Variants in ADAMTS17 observed in about 807,000 individuals in gnomAD.
ADAMTS17 encodes A disintegrin and metalloproteinase with thrombospondin motifs 17.
A neutral mutation model predicts 141.5 loss-of-function variants in ADAMTS17; 113 were observed. The observed-to-expected ratio is 0.80, with a 90% CI of 0.69 to 0.93. ADAMTS17 has a LOEUF of 0.93. Among genes scored for constraint, ADAMTS17 ranks in the 40% least tolerant of loss-of-function variants. The probability of loss-of-function intolerance (pLI) is 0.00; values close to 1 mark genes in which losing one functional copy is unlikely to be tolerated. For missense variants in ADAMTS17, 1,659 were observed against 1,517.9 expected (o/e 1.09, Z -1.54); for synonymous variants, 768 against 630.6 (o/e 1.22, Z -3.27).
chr15:100,220,609 C>T (rs2042104136), intron 7 of ADAMTS17, among the ~76,000 whole-genome samples: 1 of 152,172 alleles, frequency 6.6e-6, no homozygotes, highest in Non-Finnish European at 1.5e-5. Flanking sequence ...ATCATCATGA[C>T]ATAATTCGAG....
chr15:100,176,751 C>T (rs190488908), intron 8 of ADAMTS17, among the ~76,000 whole-genome samples: 3 of 152,284 alleles, frequency 2.0e-5, no homozygotes, highest in Admixed American at 2.0e-4. Flanking sequence ...CAAGACTACC[C>T]TTTTATGACC....
chr15:100,096,569 A>C, intron 14 of ADAMTS17, 93 bp from the exon 15 acceptor site: 1 of 1,556,964 alleles, frequency 6.4e-7, no homozygotes, highest in Non-Finnish European at 8.8e-7. Context: ...CATGAGGTGC[A>C]GCATACATGG....
intron 15 of ADAMTS17, among the ~76,000 whole-genome samples, chr15:100,084,437 G>C (rs1178779512): frequency 6.6e-6 from 1 of 152,200 alleles, no homozygotes; most frequent in Non-Finnish European, 1.5e-5. Context: ...ACAAACAAAA[G>C]GCAGGAGAAA....
chr15:100,214,188 C>A (rs931592438), intron 7 of ADAMTS17, among the ~76,000 whole-genome samples: 3 of 152,172 alleles, frequency 2.0e-5, no homozygotes. Flanking sequence ...ACCGTCTCCC[C>A]CTTCAGCCAT....
chr15:100,277,406 A>C (rs917496359), intron 4 of ADAMTS17, among the ~76,000 whole-genome samples: 9 of 152,190 alleles, frequency 5.9e-5, no homozygotes, highest in African/African-American at 2.2e-4. Flanking sequence ...GCCTGGGATC[A>C]AACAGCCACC....
In ADAMTS17 at chr15:99,998,108, C is replaced by G. The variant is rs549486679; in HGVS notation, c.2592-519G>C. Among the ~76,000 whole-genome samples, 13 of 152,292 alleles carry G rather than the reference C, an allele frequency of 8.5e-5. 1 individual carries two copies. In the East Asian group the frequency reaches 2.5e-3, roughly 29 times the overall value. The stretch of plus-strand genomic sequence containing the variant: ...ATGGAGATGTTGCAGTTGTTTGTTG[C>G]TGCGGCAATAGGGGATTGATACAGC... On this transcript the variant is annotated intron_variant, in intron 18 of 21. Coordinates refer to ENST00000268070, the MANE Select transcript of ADAMTS17 (RefSeq NM_139057.4).
chr15:100,029,267 C>A (rs1596262900), intron 18 of ADAMTS17, among the ~76,000 whole-genome samples: 1 of 152,166 alleles, frequency 6.6e-6, no homozygotes, highest in South Asian at 2.1e-4. Context: ...TCTACTCTGA[C>A]CTTTACTTAT....
At chr15:100,063,356 C>T (rs79139347) in intron 15 of ADAMTS17, among the ~76,000 whole-genome samples, 1 of 152,240 alleles carries the variant, frequency 6.6e-6, no homozygotes, top group African/African-American at 2.4e-5. Context: ...CTGCTCTCAG[C>T]TCTCCTGGGG....
intron 16 of ADAMTS17, among the ~76,000 whole-genome samples, chr15:100,052,822 C>T (rs2032251665): frequency 6.6e-6 from 1 of 152,208 alleles, no homozygotes; most frequent in Non-Finnish European, 1.5e-5. Flanking sequence ...GAGAGGTGCG[C>T]TGGCAGATTT....
At chr15:100,228,949 G>A (rs1596321626) in intron 7 of ADAMTS17, among the ~76,000 whole-genome samples, 1 of 152,220 alleles carries the variant, frequency 6.6e-6, no homozygotes, top group Admixed American at 6.5e-5. Context: ...AGTTGCAGAA[G>A]AGAAGTTGGA....
intron 13 of ADAMTS17, among the ~76,000 whole-genome samples, chr15:100,112,392 T>C (rs2036845076): frequency 6.6e-6 from 1 of 152,102 alleles, no homozygotes; most frequent in Non-Finnish European, 1.5e-5. Context: ...CCGTCTCCCC[T>C]TTGAGGCCTC....
chr15:100,083,877 CA>C (rs1371468446), intron 15 of ADAMTS17, among the ~76,000 whole-genome samples: 1 of 151,622 alleles, frequency 6.6e-6, no homozygotes, highest in African/African-American at 2.4e-5. Context: ...CCAAGATGAC[CA>C]AATAGGAACA....
At chr15:100,049,534 T>C (rs1185112471) in intron 17 of ADAMTS17, among the ~76,000 whole-genome samples, 3 of 152,202 alleles carry the variant, frequency 2.0e-5, no homozygotes, top group Non-Finnish European at 2.9e-5. Context: ...CTGGTACTTA[T>C]GGCTGAGCCC....
At chr15:99,992,969 C>G in intron 20 of ADAMTS17, 79 bp downstream of exon 20, 1 of 1,576,866 alleles carries the variant, frequency 6.3e-7, no homozygotes. Context: ...GAATTGGGAC[C>G]CGTCACAAGA....
At chr15:100,186,166 G>T (rs1275451877) in intron 8 of ADAMTS17, among the ~76,000 whole-genome samples, 1 of 152,156 alleles carries the variant, frequency 6.6e-6, no homozygotes, top group South Asian at 2.1e-4. Context: ...AGATATACTC[G>T]CTGGCAGTGA....
At position 100,116,720 on chromosome 15, in the gene ADAMTS17, G is replaced by A. The variant is rs569049540; in HGVS notation, c.1888+127C>T. ...CAAAGTTGGGCCGCAGCTGAGCTGGGCAGAGGACTGGAGTGTCTTGCTGGG... is the reference window on the plus strand; with the variant it reads ...CAAAGTTGGGCCGCAGCTGAGCTGGACAGAGGACTGGAGTGTCTTGCTGGG... On this transcript the variant is annotated intron_variant, in intron 13 of 21. Transcript: ENST00000268070. 26 of 1,307,612 alleles carry A rather than the reference G, an allele frequency of 2.0e-5. No homozygotes were observed. The East Asian group carries it at 5.8e-4, about 29-fold the overall frequency. 81.0% of individuals were successfully genotyped at this position (1,307,612 alleles called of 1,614,324 possible).
At chr15:100,309,175 C>G (rs146303885) in intron 3 of ADAMTS17, among the ~76,000 whole-genome samples, 3 of 152,270 alleles carry the variant, frequency 2.0e-5, no homozygotes, top group East Asian at 3.9e-4. Flanking sequence ...CTGGGCAGCA[C>G]AGTGAGACCT....
intron 3 of ADAMTS17, chr15:100,306,289 T>A (rs375137755): frequency 5.8e-6 from 2 of 345,924 alleles, no homozygotes; most frequent in Admixed American, 3.8e-5. Context: ...GCCAACAGAG[T>A]ACCTTCAGAG....
chr15:100,228,045 G>T lies in ADAMTS17; in HGVS notation c.1075+26091C>A, dbSNP rs377614729. ...CACGACGCTTTGTGGAGCCCTCAAG[G>T]CCCTGCAGATACAGCCCTGCCTTAT... On this transcript the variant is annotated intron_variant, in intron 7 of 21. Transcript: ENST00000268070. 4.1e-4 allele frequency among the ~76,000 whole-genome samples: 62 copies of T among 152,274 alleles called. 1 individual carries two copies. The highest frequency in any genetic ancestry group is 1.4e-3 in the African/African-American group (58 of 41,546).
Sources: gnomAD v4.1 joint callset for allele counts (sites outside exome capture counted in the v4.1 genomes callset) on GRCh38, gnomAD v4.1.1 for gene constraint, MANE v1.5 for transcripts, NCBI Gene and HGNC (gene_info 2026-07-23, HGNC 2026-07-21) for gene names.